Variants in CLPB observed in about 807,000 individuals in gnomAD.
CLPB encodes mitochondrial disaggregase.
CLPB carries 40 observed loss-of-function variants against 78.4 expected under a neutral mutation model. That is an observed-to-expected ratio of 0.51 (90% CI 0.40 to 0.66). CLPB has a LOEUF of 0.66. Ranked by LOEUF, CLPB falls within the 30% of genes least tolerant of loss-of-function variation. The pLI is 0.00. For synonymous variants in CLPB, 333 were observed against 348.0 expected, an observed-to-expected ratio of 0.96 and a Z score of 0.48; for missense variants, 780 against 886.9, an observed-to-expected ratio of 0.88 and a Z score of 1.53.
intron 2 of CLPB, among the ~76,000 whole-genome samples, chr11:72,406,759 T>C (rs1473147241): frequency 6.6e-6 from 1 of 152,210 alleles, no homozygotes; most frequent in African/African-American, 2.4e-5. Flanking sequence ...ACACCCACTC[T>C]GTGCCCAGCC....
At chr11:72,396,740 A>G (rs1330446054) in intron 3 of CLPB, among the ~76,000 whole-genome samples, 1 of 152,228 alleles carries the variant, frequency 6.6e-6, no homozygotes, top group East Asian at 1.9e-4. Context: ...ATCAGAATGC[A>G]TATCACTCTA....
chr11:72,428,364 C>T (rs1409475648), intron 2 of CLPB, among the ~76,000 whole-genome samples: 4 of 152,206 alleles, frequency 2.6e-5, no homozygotes, highest in Non-Finnish European at 4.4e-5. Flanking sequence ...TCAAAAACTT[C>T]CCACGTCTCC....
At chr11:72,384,768 A>C (rs1855026419) in intron 3 of CLPB, among the ~76,000 whole-genome samples, 1 of 152,248 alleles carries the variant, frequency 6.6e-6, no homozygotes. Context: ...AATAAAATAG[A>C]CTTTAAGTCC....
At chr11:72,323,681 TC>T (rs749427103) in intron 6 of CLPB, among the ~76,000 whole-genome samples, 4 of 152,128 alleles carry the variant, frequency 2.6e-5, no homozygotes, top group Admixed American at 1.3e-4. Flanking sequence ...TTTGGACCAT[TC>T]CAGATTAAAG....
In CLPB at chr11:72,362,001, G is replaced by A. The variant is rs76254839; in HGVS notation, c.647-2993C>T. ...ATTTTGGCACAAACGTCAGGAGAGT[G>A]CTGGTGTCATAGCCCAACTAATAAG... is the stretch of plus-strand genomic sequence containing the variant. On this transcript the variant is annotated intron_variant, in intron 4 of 15. Transcript: ENST00000538039. Among the ~76,000 whole-genome samples, 50 of 152,360 alleles carry A rather than the reference G, an allele frequency of 3.3e-4. 2 individuals are homozygous for A. The East Asian group carries it at 9.6e-3, about 29-fold the overall frequency.
intron 11 of CLPB, among the ~76,000 whole-genome samples, chr11:72,301,301 T>C: frequency 6.6e-6 from 1 of 152,162 alleles, no homozygotes. Context: ...TATCAGCATC[T>C]CACCATTAGC....
At chr11:72,348,094 T>A (rs1950547554) in intron 5 of CLPB, among the ~76,000 whole-genome samples, 1 of 152,222 alleles carries the variant, frequency 6.6e-6, no homozygotes, top group Non-Finnish European at 1.5e-5. Context: ...AACTATAAGA[T>A]AAATTTGTGT....
At chr11:72,302,087 G>T in intron 10 of CLPB, 123 bp from the exon 11 acceptor site, 1 of 1,125,750 alleles carries the variant, frequency 8.9e-7, no homozygotes, top group Non-Finnish European at 1.3e-6. Flanking sequence ...GAGATGATTG[G>T]CTGTCCATCT....
chr11:72,388,248 C>T (rs928915360), intron 3 of CLPB, among the ~76,000 whole-genome samples: 3 of 148,212 alleles, frequency 2.0e-5, no homozygotes, highest in Non-Finnish European at 4.4e-5. Context: ...GATTCCCTTC[C>T]CCTTTTTTTT....
intron 12 of CLPB, 122 bp downstream of exon 12, chr11:72,295,370 G>C: frequency 9.9e-7 from 1 of 1,015,090 alleles, no homozygotes; most frequent in Non-Finnish European, 1.4e-6. Flanking sequence ...CTCAGTGTCA[G>C]CTAGGGACAG....
chr11:72,407,561 C>A (rs1240244534), intron 2 of CLPB, among the ~76,000 whole-genome samples: 1 of 152,170 alleles, frequency 6.6e-6, no homozygotes. Flanking sequence ...CTGGAAGAGG[C>A]ACTTCTCTAA....
At chr11:72,361,584 T>G (rs1242818615) in intron 4 of CLPB, among the ~76,000 whole-genome samples, 1 of 151,848 alleles carries the variant, frequency 6.6e-6, no homozygotes, top group East Asian at 1.9e-4. Context: ...AACAGGACAA[T>G]GAAAAGCTGA....
intron 3 of CLPB, among the ~76,000 whole-genome samples, chr11:72,385,575 C>T (rs1444432507): frequency 6.6e-6 from 1 of 152,154 alleles, no homozygotes; most frequent in East Asian, 1.9e-4. Flanking sequence ...ATAATCTCAG[C>T]ACTTTGGGAG....
chr11:72,414,082 A>G (rs1279552575), intron 2 of CLPB, among the ~76,000 whole-genome samples: 1 of 152,156 alleles, frequency 6.6e-6, no homozygotes, highest in African/African-American at 2.4e-5. Context: ...GGCCAGAAGC[A>G]CAGATTCCCA....
At chr11:72,337,991 G>T (rs1051421169) in intron 5 of CLPB, among the ~76,000 whole-genome samples, 7 of 152,212 alleles carry the variant, frequency 4.6e-5, no homozygotes, top group Non-Finnish European at 1.0e-4. Flanking sequence ...GACATGCTCT[G>T]ATATGATCCC....
chr11:72,397,214 AT>A (rs1370830776), intron 3 of CLPB, among the ~76,000 whole-genome samples: 2 of 152,000 alleles, frequency 1.3e-5, no homozygotes, highest in Non-Finnish European at 2.9e-5. Context: ...TGTTGTTGTC[AT>A]TGTTTGTTTG....
At chr11:72,419,168 T>C (rs1194359556) in intron 2 of CLPB, among the ~76,000 whole-genome samples, 28 of 152,228 alleles carry the variant, frequency 1.8e-4, no homozygotes, top group Admixed American at 1.8e-3. Context: ...TGTTCCTCAG[T>C]TTCCAGGAAA....
intron 3 of CLPB, among the ~76,000 whole-genome samples, chr11:72,382,222 GCC>G (rs1299162624): frequency 6.6e-6 from 1 of 152,130 alleles, no homozygotes; most frequent in South Asian, 2.1e-4. Context: ...TAACAGCCTG[GCC>G]CCCATGGGAT....
intron 5 of CLPB, among the ~76,000 whole-genome samples, chr11:72,331,013 A>G (rs1218503606): frequency 6.6e-6 from 1 of 152,194 alleles, no homozygotes; most frequent in African/African-American, 2.4e-5. Context: ...AAACATTTAT[A>G]TCATGATACA....
Sources: gnomAD v4.1 joint callset for allele counts (sites outside exome capture counted in the v4.1 genomes callset) on GRCh38, gnomAD v4.1.1 for gene constraint, MANE v1.5 for transcripts, NCBI Gene and HGNC (gene_info 2026-07-23, HGNC 2026-07-21) for gene names.